Variants in RPRD2 observed in about 807,000 individuals in gnomAD.
RPRD2 encodes regulation of nuclear pre-mRNA domain-containing protein 2.
Under a neutral mutation model 104.4 loss-of-function variants are expected in RPRD2, and 12 were observed. The observed-to-expected ratio is 0.11, with a 90% CI of 0.07 to 0.19. The LOEUF is 0.19. Ranked by LOEUF, RPRD2 falls within the 10% of genes least tolerant of loss-of-function variation. The pLI is 1.00. For synonymous variants in RPRD2, 714 were observed against 684.9 expected, an observed-to-expected ratio of 1.04 and a Z score of -0.66; for missense variants, 1,543 against 1,790.1, an observed-to-expected ratio of 0.86 and a Z score of 2.49.
intron 1 of RPRD2, among the ~76,000 whole-genome samples, chr1:150,368,415 C>T (rs1442892576): frequency 1.3e-5 from 2 of 151,090 alleles, no homozygotes; most frequent in Non-Finnish European, 2.9e-5. Context: ...GCCTCAGCCT[C>T]CTGAGTAGCT....
intron 1 of RPRD2, among the ~76,000 whole-genome samples, chr1:150,415,966 AGTG>A: frequency 6.6e-6 from 1 of 152,314 alleles, no homozygotes; most frequent in African/African-American, 2.4e-5. Flanking sequence ...GGGCCTGACA[AGTG>A]GTTAAAATTT....
chr1:150,450,345 G>T (rs985918980), intron 7 of RPRD2, among the ~76,000 whole-genome samples: 41 of 152,052 alleles, frequency 2.7e-4, no homozygotes, highest in African/African-American at 9.6e-4. Context: ...GGTGGCTCAC[G>T]CCTGTAATCC....
At position 150,474,986 on chromosome 1, in the gene RPRD2, C is replaced by T. The variant is rs12040949; in HGVS notation, c.*1652C>T. 44,416 of 151,730 alleles carry T rather than the reference C, an allele frequency of 0.29. 7,855 individuals are homozygous for T. Among genetic ancestry groups the T allele is most frequent in the Non-Finnish European group, 0.39 (26,483 of 67,926 alleles). The allele number at this position is 151,730 out of a possible 1,614,324, so 9.4% of individuals were successfully genotyped here. ...GCACATCATGATTTGGGAGTTTTTG[C>T]GTAATTTATTCTGTTATTTATTTGG... On this transcript the variant is annotated 3_prime_UTR_variant, in exon 11 of 11. Coordinates refer to ENST00000369068, the MANE Select transcript of RPRD2 (RefSeq NM_015203.5).
intron 2 of RPRD2, among the ~76,000 whole-genome samples, chr1:150,421,525 T>A (rs1472577754): frequency 2.0e-5 from 3 of 152,144 alleles, no homozygotes; most frequent in South Asian, 2.1e-4. Context: ...TAATTTTTTT[T>A]AAGAAAAGTA....
At chr1:150,394,207 C>G (rs782169498) in intron 1 of RPRD2, among the ~76,000 whole-genome samples, 2 of 151,936 alleles carry the variant, frequency 1.3e-5, no homozygotes, top group African/African-American at 2.4e-5. Context: ...TGCACCACCA[C>G]GCCTGGCTAA....
chr1:150,365,642 T>A (rs1459559530), intron 1 of RPRD2, among the ~76,000 whole-genome samples: 1 of 152,034 alleles, frequency 6.6e-6, no homozygotes, highest in African/African-American at 2.4e-5. Context: ...CAGGCTGGAG[T>A]GCAGTGGCGC....
Position 150,470,789 on chromosome 1 carries a change from G to A in RPRD2, c.1841G>A (p.Ser614Asn), listed in dbSNP as rs752484301. Reference protein sequence around the residue: ...TSASKASIGQSPGLPSTTFKL... With the variant: ...TSASKASIGQNPGLPSTTFKL... ...GCCAGCAAGGCCTCAATTGGGCAAA[G>A]CCCAGGGCTCCCAAGCACTACTTTT... Residue 614 changes from serine to asparagine, a missense_variant, in exon 11 of 11, where the codon AGC becomes AAC. By Grantham distance (46) the Ser-to-Asn change is conservative. Transcript: ENST00000369068. 4 of 1,613,900 alleles carry A rather than the reference G, an allele frequency of 2.5e-6. No homozygotes were observed. Among genetic ancestry groups the A allele is most frequent in the Non-Finnish European group, 2.5e-6 (3 of 1,179,914 alleles).
chr1:150,424,022 C>A (rs1405805219), intron 2 of RPRD2, among the ~76,000 whole-genome samples: 1 of 152,006 alleles, frequency 6.6e-6, no homozygotes, highest in Non-Finnish European at 1.5e-5. Context: ...AAACTCCTGA[C>A]CTCAGGTGAT....
intron 7 of RPRD2, among the ~76,000 whole-genome samples, chr1:150,456,933 A>AC (rs1429248791): frequency 4.6e-5 from 7 of 151,232 alleles, no homozygotes; most frequent in African/African-American, 7.3e-5. Context: ...CTCAAAAAAA[A>AC]AAAGAAGAGG....
intron 10 of RPRD2, among the ~76,000 whole-genome samples, chr1:150,467,314 A>G (rs1410229283): frequency 1.3e-5 from 2 of 152,176 alleles, no homozygotes. Context: ...ATGTTGTACT[A>G]CTAATATCAG....
At chr1:150,416,587 G>T (rs1166294908) in intron 1 of RPRD2, among the ~76,000 whole-genome samples, 1 of 152,060 alleles carries the variant, frequency 6.6e-6, no homozygotes, top group Non-Finnish European at 1.5e-5. Context: ...AAACTTAACC[G>T]ACTGGGTGTG....
chr1:150,431,472 G>GGTTTTTTTT (rs1553891696), intron 2 of RPRD2, among the ~76,000 whole-genome samples: 1 of 65,760 alleles, frequency 1.5e-5, no homozygotes, highest in East Asian at 1.1e-3. Flanking sequence ...AAAAAGGAAG[G>GGTTTTTTTT]ATTTTTTTTT....
At chr1:150,388,123 G>A (rs587739866) in intron 1 of RPRD2, among the ~76,000 whole-genome samples, 5 of 151,524 alleles carry the variant, frequency 3.3e-5, no homozygotes, top group Non-Finnish European at 5.9e-5. Flanking sequence ...TCACTATGTT[G>A]CCTAGGCTGG....
At chr1:150,440,559 A>G (rs1553894180) in intron 2 of RPRD2, among the ~76,000 whole-genome samples, 1 of 152,204 alleles carries the variant, frequency 6.6e-6, no homozygotes, top group African/African-American at 2.4e-5. Context: ...AAATGAAAAA[A>G]TACAGCATTG....
chr1:150,392,630 G>A (rs1379271317), intron 1 of RPRD2, among the ~76,000 whole-genome samples: 3 of 152,142 alleles, frequency 2.0e-5, no homozygotes, highest in Admixed American at 2.0e-4. Flanking sequence ...ATCGCGTGAA[G>A]CCAGGAGTTC....
chr1:150,396,116 T>A (rs374949666), intron 1 of RPRD2, among the ~76,000 whole-genome samples: 1 of 152,206 alleles, frequency 6.6e-6, no homozygotes, highest in Admixed American at 6.5e-5. Context: ...TTTTTTCATA[T>A]GTTTGTTTGA....
chr1:150,411,996 G>A (rs937595530), intron 1 of RPRD2, among the ~76,000 whole-genome samples: 4 of 151,672 alleles, frequency 2.6e-5, no homozygotes, highest in Non-Finnish European at 5.9e-5. Context: ...GGTGGCAAGC[G>A]CCTGTAATCC....
chr1:150,385,390 C>T (rs1008031928), intron 1 of RPRD2, among the ~76,000 whole-genome samples: 1 of 152,148 alleles, frequency 6.6e-6, no homozygotes, highest in Admixed American at 6.6e-5. Flanking sequence ...GACAGAATTA[C>T]TTGAACCCAG....
chr1:150,408,397 A>G (rs587734938), intron 1 of RPRD2, among the ~76,000 whole-genome samples: 4 of 152,030 alleles, frequency 2.6e-5, no homozygotes, highest in East Asian at 3.9e-4. Flanking sequence ...CAGGTGATCT[A>G]TCCGCCTCGG....
Sources: gnomAD v4.1 joint callset for allele counts (sites outside exome capture counted in the v4.1 genomes callset) on GRCh38, gnomAD v4.1.1 for gene constraint, MANE v1.5 for transcripts, NCBI Gene and HGNC (gene_info 2026-07-23, HGNC 2026-07-21) for gene names.